The following RAB38 variants were observed in gnomAD, a reference collection of about 807,000 sequenced individuals.
RAB38 encodes ras-related protein Rab-38.
In RAB38, 15 loss-of-function variants were observed where a neutral mutation model predicts 18.4. The ratio of observed to expected loss-of-function variants is 0.82; its 90% confidence interval spans 0.55 to 1.26. The LOEUF (loss-of-function observed/expected upper bound fraction) is 1.26. Among genes scored for constraint, RAB38 ranks in the 50% most tolerant of loss-of-function variants. The pLI is 0.00. For synonymous variants in RAB38, 101 were observed against 104.4 expected (o/e 0.97, Z 0.20); for missense variants, 294 against 267.4 (o/e 1.10, Z -0.69).
the RAB38 span, among the ~76,000 whole-genome samples, chr11:87,810,804 G>GAA: frequency 5.4e-5 from 8 of 146,876 alleles, no homozygotes; most frequent in East Asian, 2.0e-4. Flanking sequence ...TGAATAGAAG[G>GAA]AAAAAAAAAA....
At chr11:88,125,597 T>G (rs556074736) in intron 2 of RAB38, among the ~76,000 whole-genome samples, 1 of 152,334 alleles carries the variant, frequency 6.6e-6, no homozygotes, top group South Asian at 2.1e-4. Context: ...TTGAGTTCTG[T>G]GTAGATTCTG....
chr11:88,098,861 C>T, the RAB38 span: 24 of 152,048 alleles, frequency 1.6e-4, 1 homozygote, highest in Middle Eastern at 3.4e-3. Context: ...ACCAAACAAA[C>T]CCTACATTGT....
chr11:87,901,867 G>T, the RAB38 span, among the ~76,000 whole-genome samples: 109 of 151,120 alleles, frequency 7.2e-4, no homozygotes, highest in African/African-American at 2.5e-3. Context: ...CTTTGGTATG[G>T]CCTATGTAGC....
chr11:88,077,632 T>C, the RAB38 span, among the ~76,000 whole-genome samples: 1 of 152,104 alleles, frequency 6.6e-6, no homozygotes, highest in Non-Finnish European at 1.5e-5. Flanking sequence ...GTTCCCTATA[T>C]ACAAAAGTCA....
At chr11:88,032,049 A>G in the RAB38 span, among the ~76,000 whole-genome samples, 1 of 151,372 alleles carries the variant, frequency 6.6e-6, no homozygotes, top group Non-Finnish European at 1.5e-5. Flanking sequence ...TCAATGGAAC[A>G]GAACAGAGCC....
the RAB38 span, among the ~76,000 whole-genome samples, chr11:88,015,962 C>A: frequency 3.3e-5 from 5 of 152,276 alleles, no homozygotes; most frequent in East Asian, 7.7e-4. Context: ...ATCCTTCCAC[C>A]ATATCCACCA....
intron 2 of RAB38, among the ~76,000 whole-genome samples, chr11:88,141,459 C>T (rs1040473082): frequency 3.3e-5 from 5 of 152,100 alleles, no homozygotes; most frequent in African/African-American, 1.2e-4. Flanking sequence ...GTTGAAAAAC[C>T]CTACGCCTTA....
At chr11:88,004,007 G>C in the RAB38 span, among the ~76,000 whole-genome samples, 1 of 128,948 alleles carries the variant, frequency 7.8e-6, no homozygotes, top group African/African-American at 2.9e-5. Context: ...ATATAAAAAA[G>C]GTATATGTAC....
the RAB38 span, among the ~76,000 whole-genome samples, chr11:87,846,011 C>T: frequency 1.1e-4 from 16 of 152,072 alleles, no homozygotes; most frequent in Non-Finnish European, 1.9e-4. Context: ...CAGATATTTA[C>T]TATAGGAACG....
intron 1 of RAB38, among the ~76,000 whole-genome samples, chr11:88,172,020 A>G (rs1350485426): frequency 6.6e-6 from 1 of 152,250 alleles, no homozygotes; most frequent in Admixed American, 6.5e-5. Flanking sequence ...CCCACCTACT[A>G]ATGAAACAAC....
At chr11:87,808,737 T>C in the RAB38 span, among the ~76,000 whole-genome samples, 2 of 152,174 alleles carry the variant, frequency 1.3e-5, no homozygotes, top group African/African-American at 4.8e-5. Flanking sequence ...TATATTTCAG[T>C]AAACTGTATA....
At chr11:87,812,423 A>G in the RAB38 span, among the ~76,000 whole-genome samples, 1 of 152,192 alleles carries the variant, frequency 6.6e-6, no homozygotes, top group Non-Finnish European at 1.5e-5. Flanking sequence ...GCTAGGAAAA[A>G]AAGTCAACAC....
chr11:87,925,000 T>C, the RAB38 span, among the ~76,000 whole-genome samples: 893 of 152,052 alleles, frequency 5.9e-3, 7 homozygotes, highest in African/African-American at 0.021. Context: ...GCACACTAGG[T>C]AAACGAGGGA....
At chr11:88,150,021 C>T in intron 1 of RAB38, 66 bp from the exon 2 acceptor site, 1 of 1,491,934 alleles carries the variant, frequency 6.7e-7, no homozygotes, top group Non-Finnish European at 9.0e-7. Flanking sequence ...ATTATAACTT[C>T]ATGAAGCCTC....
the RAB38 span, among the ~76,000 whole-genome samples, chr11:87,948,879 G>T: frequency 1.3e-5 from 2 of 151,352 alleles, no homozygotes; most frequent in Non-Finnish European, 2.9e-5. Context: ...GCCCGGCTTT[G>T]GTATCAGGAT....
the RAB38 span, among the ~76,000 whole-genome samples, chr11:88,067,117 G>T: frequency 6.6e-6 from 1 of 152,118 alleles, no homozygotes; most frequent in Admixed American, 6.5e-5. Context: ...GATGACAGAT[G>T]CACTGCAGCC....
the RAB38 span, among the ~76,000 whole-genome samples, chr11:87,898,727 T>A: frequency 6.6e-6 from 1 of 151,684 alleles, no homozygotes; most frequent in African/African-American, 2.4e-5. Context: ...GAACATCAGT[T>A]TCTCACTGGT....
chr11:88,024,054 T>A, the RAB38 span, among the ~76,000 whole-genome samples: 1 of 151,872 alleles, frequency 6.6e-6, no homozygotes, highest in Non-Finnish European at 1.5e-5. Context: ...TGGGATCACA[T>A]CAACCTAAAA....
chr11:87,900,546 C>G, the RAB38 span, among the ~76,000 whole-genome samples: 1 of 151,636 alleles, frequency 6.6e-6, no homozygotes. Flanking sequence ...CAGCTAGACA[C>G]TTGTTCCCAA....
Sources: allele counts gnomAD v4.1 joint callset (sites outside exome capture counted in the v4.1 genomes callset), GRCh38; gene constraint gnomAD v4.1.1; transcripts MANE v1.5; gene names NCBI Gene and HGNC (gene_info 2026-07-23, HGNC 2026-07-21).